FOXP1: variants seen among roughly 807,000 people sequenced by gnomAD.
FOXP1 encodes forkhead box protein P1.
A neutral mutation model predicts 98.2 loss-of-function variants in FOXP1; 15 were observed. The observed-to-expected ratio is 0.15, with a 90% CI of 0.10 to 0.24. The LOEUF is 0.24. FOXP1 is among the 10% of genes least tolerant of loss of function. The pLI is 1.00. For synonymous variants in FOXP1, 371 were observed against 314.5 expected (o/e 1.18, Z -1.90); for missense variants, 633 against 848.5 (o/e 0.75, Z 3.15).
intron 5 of FOXP1, among the ~76,000 whole-genome samples, chr3:71,258,506 T>G (rs1176308784): frequency 6.6e-6 from 1 of 152,090 alleles, no homozygotes; most frequent in Non-Finnish European, 1.5e-5. Flanking sequence ...CACCCAGATA[T>G]TTTGTGGAAA....
At chr3:71,071,855 C>T (rs1221400604) in intron 7 of FOXP1, among the ~76,000 whole-genome samples, 1 of 152,224 alleles carries the variant, frequency 6.6e-6, no homozygotes, top group Admixed American at 6.5e-5. Flanking sequence ...GGATTACAGG[C>T]GTGAGCCACT....
intron 13 of FOXP1, among the ~76,000 whole-genome samples, chr3:70,993,760 C>T (rs562188916): frequency 5.3e-5 from 8 of 152,174 alleles, no homozygotes; most frequent in Admixed American, 3.9e-4. Flanking sequence ...TCTGGGAGGC[C>T]GAGGCAGGCG....
chr3:71,167,339 A>G (rs1576160808), intron 6 of FOXP1, among the ~76,000 whole-genome samples: 1 of 152,176 alleles, frequency 6.6e-6, no homozygotes, highest in South Asian at 2.1e-4. Flanking sequence ...GCGTTTCCCC[A>G]TCTATAACTA....
chr3:71,394,683 G>A (rs1489647049), intron 3 of FOXP1, among the ~76,000 whole-genome samples: 1 of 152,128 alleles, frequency 6.6e-6, no homozygotes, highest in East Asian at 1.9e-4. Flanking sequence ...TTGTGTCAAA[G>A]GTAGTGTCAG....
chr3:70,955,911 A>G lies in FOXP1; in HGVS notation c.*3336T>C, dbSNP rs931209585. 8.6e-6 allele frequency: 2 copies of G among 232,980 alleles called. No homozygotes were observed. The highest frequency in any genetic ancestry group is 8.5e-6 in the Non-Finnish European group (1 of 118,040). The allele number at this position is 232,980 out of a possible 1,614,324, so 14.4% of individuals were successfully genotyped here. A position where few individuals can be genotyped will look rare whatever the true frequency, so the allele number is the denominator to read the frequency against. On this transcript the variant is annotated 3_prime_UTR_variant, in exon 21 of 21. Transcript: ENST00000649528. ...GAACAGAAAAAAGAAATCTTCAACT[A>G]TGTTACAGTTTAAAAGCAGAAAAAA...
intron 5 of FOXP1, among the ~76,000 whole-genome samples, chr3:71,248,061 AC>A (rs1191697309): frequency 1.3e-5 from 2 of 152,236 alleles, no homozygotes; most frequent in Non-Finnish European, 2.9e-5. Context: ...AACAATGCTC[AC>A]AGAGAACAGG....
chr3:71,186,382 T>G (rs2062644973), intron 6 of FOXP1, among the ~76,000 whole-genome samples: 1 of 152,224 alleles, frequency 6.6e-6, no homozygotes, highest in Non-Finnish European at 1.5e-5. Flanking sequence ...GAAGTAATTT[T>G]GCCACTCCAG....
chr3:71,210,262 T>C (rs1280966878), intron 5 of FOXP1, among the ~76,000 whole-genome samples: 1 of 152,210 alleles, frequency 6.6e-6, no homozygotes, highest in African/African-American at 2.4e-5. Context: ...GCTTGAATTA[T>C]CTAATCTTTG....
intron 5 of FOXP1, among the ~76,000 whole-genome samples, chr3:71,264,312 C>A (rs2069435674): frequency 6.6e-6 from 1 of 152,064 alleles, no homozygotes; most frequent in South Asian, 2.1e-4. Flanking sequence ...ATTATTGTAC[C>A]CAGACTGGAA....
intron 20 of FOXP1, among the ~76,000 whole-genome samples, chr3:70,961,809 C>A (rs143223053): frequency 0.012 from 1,831 of 152,144 alleles, 15 homozygotes; most frequent in Middle Eastern, 0.027. Flanking sequence ...GCCTGTAGTC[C>A]AAGTTACTTG....
At chr3:71,399,385 CT>C (rs1440256534) in intron 3 of FOXP1, among the ~76,000 whole-genome samples, 4 of 152,198 alleles carry the variant, frequency 2.6e-5, no homozygotes, top group African/African-American at 9.6e-5. Context: ...GGTGACTACA[CT>C]TAAGGAAAGT....
intron 4 of FOXP1, among the ~76,000 whole-genome samples, chr3:71,306,716 C>A (rs548025287): frequency 5.4e-4 from 79 of 146,104 alleles, no homozygotes; most frequent in African/African-American, 1.9e-3. Context: ...TCGAGTTTTC[C>A]AAAAATATAT....
At chr3:71,063,135 G>C (rs2051778711) in intron 7 of FOXP1, among the ~76,000 whole-genome samples, 1 of 152,192 alleles carries the variant, frequency 6.6e-6, no homozygotes, top group South Asian at 2.1e-4. Flanking sequence ...ACATCCTACA[G>C]TAAGTCAGCC....
At chr3:71,146,877 C>T (rs1296891918) in intron 6 of FOXP1, among the ~76,000 whole-genome samples, 2 of 152,190 alleles carry the variant, frequency 1.3e-5, no homozygotes, top group South Asian at 2.1e-4. Flanking sequence ...GCCCTCCTCC[C>T]GGCTCTGAGC....
chr3:71,581,286 T>A, intron 2 of FOXP1: 1 of 985,318 alleles, frequency 1.0e-6, no homozygotes, highest in Non-Finnish European at 1.2e-6. Flanking sequence ...CACCATATTT[T>A]ATCGGAGCAC....
chr3:71,030,987 G>A (rs767755128), intron 11 of FOXP1, among the ~76,000 whole-genome samples: 5 of 152,238 alleles, frequency 3.3e-5, no homozygotes, highest in East Asian at 3.9e-4. Flanking sequence ...ATAGATATCC[G>A]CCTGATTCTC....
intron 12 of FOXP1, among the ~76,000 whole-genome samples, chr3:71,002,214 G>A (rs1234951279): frequency 1.3e-5 from 2 of 152,082 alleles, no homozygotes; most frequent in East Asian, 3.9e-4. Context: ...ATCCCCTCTT[G>A]TTTAACAGCC....
chr3:71,328,974 T>TAAGAAAAAAAAA (rs2076099152), intron 4 of FOXP1, among the ~76,000 whole-genome samples: 1 of 31,166 alleles, frequency 3.2e-5, no homozygotes, highest in Non-Finnish European at 6.2e-5. Flanking sequence ...TCCATCTCGC[T>TAAGAAAAAAAAA]AAAAAAAAAA....
Position 71,560,209 on chromosome 3 carries a change from C to T in FOXP1, c.-298+21340G>A, listed in dbSNP as rs181587226. Among the ~76,000 whole-genome samples, 57 of 152,264 alleles carry T rather than the reference C, an allele frequency of 3.7e-4. 1 individual carries two copies. In the East Asian group the frequency reaches 6.6e-3, roughly 18 times the overall value. The stretch of plus-strand genomic sequence containing the variant: ...AAATAACGGTGCTCCATAATGTTTT[C>T]GCATCATTATTGTCACCACCACTGT... On this transcript the variant is annotated intron_variant, in intron 2 of 20. Transcript: ENST00000649528.
Sources: gnomAD v4.1 joint callset for allele counts (sites outside exome capture counted in the v4.1 genomes callset) on GRCh38, gnomAD v4.1.1 for gene constraint, MANE v1.5 for transcripts, NCBI Gene and HGNC (gene_info 2026-07-23, HGNC 2026-07-21) for gene names.